KLF17: variants seen among roughly 807,000 people sequenced by gnomAD.
The protein encoded by KLF17 is KLF transcription factor 17.
In KLF17, 31 loss-of-function variants were observed where a neutral mutation model predicts 34.2. That is an observed-to-expected ratio of 0.91 (90% CI 0.68 to 1.22). KLF17 has a LOEUF of 1.22. KLF17 is among the 50% of genes most tolerant of loss of function. The pLI is 0.00. For missense variants in KLF17, 478 were observed against 505.2 expected, an observed-to-expected ratio of 0.95 and a Z score of 0.52; for synonymous variants, 179 against 186.7, an observed-to-expected ratio of 0.96 and a Z score of 0.34.
chr1:44,077,824 G>T, the KLF17 span, among the ~76,000 whole-genome samples: 1 of 152,190 alleles, frequency 6.6e-6, no homozygotes, highest in Non-Finnish European at 1.5e-5. Flanking sequence ...TACTTCTGTT[G>T]CATTCTGTTG....
At chr1:44,067,115 A>G in the KLF17 span, among the ~76,000 whole-genome samples, 1 of 152,176 alleles carries the variant, frequency 6.6e-6, no homozygotes, top group Non-Finnish European at 1.5e-5. Flanking sequence ...AACAATATAT[A>G]ATGTCTAATC....
the KLF17 span, among the ~76,000 whole-genome samples, chr1:44,073,572 C>T: frequency 2.6e-5 from 4 of 151,996 alleles, no homozygotes; most frequent in African/African-American, 4.8e-5. Context: ...TTTCTGAGAT[C>T]GATCCAGTAG....
At chr1:44,121,359 C>T (rs1452645202) in intron 1 of KLF17, among the ~76,000 whole-genome samples, 3 of 152,228 alleles carry the variant, frequency 2.0e-5, no homozygotes, top group Non-Finnish European at 4.4e-5. Flanking sequence ...AAATGATCTA[C>T]CCGCCTCAGC....
At chr1:44,128,780 A>G (rs1012378213) in intron 1 of KLF17, among the ~76,000 whole-genome samples, 5 of 152,158 alleles carry the variant, frequency 3.3e-5, no homozygotes, top group African/African-American at 1.2e-4. Flanking sequence ...TGGGAGGCCA[A>G]GGTGGGCAGA....
At chr1:44,120,817 G>A (rs538607651) in intron 1 of KLF17, among the ~76,000 whole-genome samples, 5 of 152,250 alleles carry the variant, frequency 3.3e-5, no homozygotes, top group Admixed American at 2.6e-4. Context: ...TGAGCATATA[G>A]TGGTAAATAA....
the KLF17 span, among the ~76,000 whole-genome samples, chr1:44,099,909 GAAAGAAAGAAA>G: frequency 5.5e-5 from 3 of 54,098 alleles, no homozygotes; most frequent in Non-Finnish European, 1.2e-4. Flanking sequence ...AAGAAAGAAA[GAAAGAAAGAAA>G]AGAAAGGGAG....
chr1:44,084,157 A>G, the KLF17 span, among the ~76,000 whole-genome samples: 12 of 152,242 alleles, frequency 7.9e-5, no homozygotes, highest in African/African-American at 2.7e-4. Flanking sequence ...ATTCTTGAGA[A>G]TTATAGGCAA....
chr1:44,102,806 C>A, the KLF17 span, among the ~76,000 whole-genome samples: 49,693 of 151,744 alleles, frequency 0.33, 8,270 homozygotes, highest in South Asian at 0.38. Context: ...GGTGCTTGGA[C>A]ACTTTCTGTA....
At chr1:44,064,123 A>G in the KLF17 span, among the ~76,000 whole-genome samples, 1 of 152,314 alleles carries the variant, frequency 6.6e-6, no homozygotes, top group Admixed American at 6.5e-5. Context: ...CCAAATGAAA[A>G]AATAAGTGAG....
chr1:44,127,692 T>TTTCTTTCTTTTTCTTTC (rs1553171671), intron 1 of KLF17, among the ~76,000 whole-genome samples: 6 of 90,136 alleles, frequency 6.7e-5, no homozygotes, highest in African/African-American at 3.3e-4. Flanking sequence ...CTTTCTTTCT[T>TTTCTTTCTTTTTCTTTC]TTTCTTTCTT....
At chr1:44,127,642 C>CTTTTCT (rs749639168) in intron 1 of KLF17, among the ~76,000 whole-genome samples, 3 of 48,530 alleles carry the variant, frequency 6.2e-5, no homozygotes, top group East Asian at 6.4e-4. Flanking sequence ...TTCTTTCCTT[C>CTTTTCT]TTTCTTTCTT....
chr1:44,067,823 G>A, the KLF17 span, among the ~76,000 whole-genome samples: 1 of 151,822 alleles, frequency 6.6e-6, no homozygotes, highest in African/African-American at 2.4e-5. Flanking sequence ...GGAAGGGTGG[G>A]GATAACCTGG....
chr1:44,127,446 C>T (rs1053848776), intron 1 of KLF17, among the ~76,000 whole-genome samples: 5 of 152,022 alleles, frequency 3.3e-5, no homozygotes, highest in Admixed American at 2.0e-4. Context: ...TTCCCTATTT[C>T]TGACCTGTGA....
the KLF17 span, among the ~76,000 whole-genome samples, chr1:44,075,256 A>T: frequency 6.6e-6 from 1 of 152,210 alleles, no homozygotes; most frequent in Non-Finnish European, 1.5e-5. Context: ...CCAACACAAC[A>T]GCATAACAGC....
the KLF17 span, among the ~76,000 whole-genome samples, chr1:44,087,769 T>TATATAC: frequency 7.6e-5 from 4 of 52,294 alleles, no homozygotes; most frequent in Admixed American, 2.1e-4. Flanking sequence ...TATATATATA[T>TATATAC]ACACACACAC....
At chr1:44,127,692 T>TTCTTTTCTTTCTTTCTTTCTTTTTC (rs753421834) in intron 1 of KLF17, among the ~76,000 whole-genome samples, 3 of 90,172 alleles carry the variant, frequency 3.3e-5, no homozygotes, top group African/African-American at 1.7e-4. Flanking sequence ...CTTTCTTTCT[T>TTCTTTTCTTTCTTTCTTTCTTTTTC]TTTCTTTCTT....
At chr1:44,117,099 G>A (rs1342905277), upstream of KLF17, 1 of 149,710 alleles carries the variant, frequency 6.7e-6, no homozygotes, top group African/African-American at 2.5e-5. Context: ...TTTTTTTTTA[G>A]AGATGGGATC....
chr1:44,129,248 A>C, intron 1 of KLF17, 105 bp from the exon 2 acceptor site: 257 of 1,309,022 alleles, frequency 2.0e-4, no homozygotes, highest in Non-Finnish European at 2.3e-4. Flanking sequence ...AATTCAAGCA[A>C]GAGATGGAAA....
intron 3 of KLF17, among the ~76,000 whole-genome samples, chr1:44,131,017 G>A (rs2088103367): frequency 6.6e-6 from 1 of 152,082 alleles, no homozygotes; most frequent in South Asian, 2.1e-4. Context: ...GGATGGTCTC[G>A]ATCTCCTGAC....
Sources: gnomAD v4.1 joint callset for allele counts (sites outside exome capture counted in the v4.1 genomes callset) on GRCh38, gnomAD v4.1.1 for gene constraint, MANE v1.5 for transcripts, NCBI Gene and HGNC (gene_info 2026-07-23, HGNC 2026-07-21) for gene names.